The following PTPRK variants were observed in gnomAD, a reference collection of about 807,000 sequenced individuals.
PTPRK encodes the protein protein tyrosine phosphatase receptor type K, also known as receptor-type tyrosine-protein phosphatase kappa.
A neutral mutation model predicts 178.0 loss-of-function variants in PTPRK; 75 were observed. That is an observed-to-expected ratio of 0.42 (90% CI 0.35 to 0.51). The LOEUF (loss-of-function observed/expected upper bound fraction) is 0.51. PTPRK is among the 20% of genes least tolerant of loss of function. PTPRK has a pLI of 0.02. For synonymous variants in PTPRK, 637 were observed against 620.6 expected, an observed-to-expected ratio of 1.03 and a Z score of -0.39; for missense variants, 1,441 against 1,797.8, an observed-to-expected ratio of 0.80 and a Z score of 3.59.
chr6:128,106,576 C>A (rs1475153708), intron 7 of PTPRK, among the ~76,000 whole-genome samples: 1 of 151,544 alleles, frequency 6.6e-6, no homozygotes, highest in African/African-American at 2.4e-5. Flanking sequence ...GAAAACTACA[C>A]AAAAGAATAG....
chr6:128,022,972 C>T (rs1469940559), intron 13 of PTPRK, among the ~76,000 whole-genome samples: 1 of 152,160 alleles, frequency 6.6e-6, no homozygotes, highest in Non-Finnish European at 1.5e-5. Context: ...AACCAAAATG[C>T]TCAGATACGG....
intron 5 of PTPRK, among the ~76,000 whole-genome samples, chr6:128,238,673 A>G (rs1414359717): frequency 6.6e-6 from 1 of 152,228 alleles, no homozygotes; most frequent in Non-Finnish European, 1.5e-5. Flanking sequence ...AGAAATAAGA[A>G]AACTGACTTG....
At position 128,219,072 on chromosome 6, in the gene PTPRK, C is replaced by G; in HGVS notation, c.718G>C (p.Val240Leu). ...LQRRNGEDIP[V>L]AQTKNINHRR... ...TGATTGATGTTCTTAGTCTGGGCTA[C>G]TGGTATATCTTCTCCATTTCGTCTC... The change falls in exon 6 of 30, where the codon GTA (valine) becomes CTA (leucine). Residue 240 changes from valine (V) to leucine (L), a missense_variant. Val to Leu is a conservative substitution (Grantham distance 32, BLOSUM62 1). Transcript: ENST00000368226. The G allele has an allele frequency of 6.2e-7, 1 of 1,613,512 alleles. No homozygotes were observed. The highest frequency in any genetic ancestry group is 8.5e-7 in the Non-Finnish European group (1 of 1,179,708).
chr6:128,133,834 C>T (rs1359019708), intron 7 of PTPRK, among the ~76,000 whole-genome samples: 1 of 151,934 alleles, frequency 6.6e-6, no homozygotes, highest in East Asian at 1.9e-4. Flanking sequence ...TTACAGGCAT[C>T]AGCCACTACA....
intron 7 of PTPRK, among the ~76,000 whole-genome samples, chr6:128,105,232 C>T (rs989196085): frequency 1.1e-4 from 16 of 151,676 alleles, no homozygotes; most frequent in African/African-American, 3.6e-4. Flanking sequence ...CTCCCGGGTT[C>T]GCGCCATTCT....
intron 12 of PTPRK, among the ~76,000 whole-genome samples, chr6:128,065,519 G>C (rs1399852450): frequency 6.6e-6 from 1 of 152,126 alleles, no homozygotes; most frequent in Non-Finnish European, 1.5e-5. Context: ...AATTGAGTCA[G>C]CGTACATCCC....
At chr6:128,127,281 T>G (rs1232633262) in intron 7 of PTPRK, among the ~76,000 whole-genome samples, 2 of 152,232 alleles carry the variant, frequency 1.3e-5, no homozygotes, top group Non-Finnish European at 1.5e-5. Context: ...ATAGGTCTTT[T>G]GCCTTTCTAC....
At chr6:128,129,606 T>C (rs998584102) in intron 7 of PTPRK, among the ~76,000 whole-genome samples, 2 of 152,140 alleles carry the variant, frequency 1.3e-5, no homozygotes, top group South Asian at 4.1e-4. Flanking sequence ...CCATCACTTT[T>C]CTGAGATACA....
In PTPRK at chr6:128,259,163, C is replaced by G. The variant is rs1460435189; in HGVS notation, c.496-16561G>C. Among the ~76,000 whole-genome samples the G allele has an allele frequency of 2.6e-5, 4 of 152,034 alleles. No homozygotes were observed. The East Asian group carries it at 7.7e-4, about 29-fold the overall frequency. The stretch of plus-strand genomic sequence containing the variant: ...ATGCTTTTATATTATGAAAAACAAA[C>G]AGGAGATGACAACAACTGTGTGGCA... On this transcript the variant is annotated intron_variant, in intron 3 of 29. Transcript: ENST00000368226.
At chr6:128,380,198 T>A (rs189705791) in intron 2 of PTPRK, among the ~76,000 whole-genome samples, 10 of 152,140 alleles carry the variant, frequency 6.6e-5, no homozygotes, top group Admixed American at 5.9e-4. Flanking sequence ...AGAAAAAAAT[T>A]CACACAATAA....
intron 1 of PTPRK, among the ~76,000 whole-genome samples, chr6:128,460,278 TCA>T (rs1848886897): frequency 3.9e-5 from 6 of 152,024 alleles, no homozygotes; most frequent in Admixed American, 3.9e-4. Flanking sequence ...GCATGGGGAC[TCA>T]CACCTGTAAT....
intron 1 of PTPRK, among the ~76,000 whole-genome samples, chr6:128,450,119 C>CAAAA (rs546499574): frequency 0.025 from 2,229 of 90,580 alleles, 26 homozygotes; most frequent in Non-Finnish European, 0.04. Context: ...CGCATCTCAA[C>CAAAA]AAAAAAAAAA....
intron 7 of PTPRK, among the ~76,000 whole-genome samples, chr6:128,180,615 G>C (rs2114682637): frequency 6.6e-6 from 1 of 152,056 alleles, no homozygotes; most frequent in South Asian, 2.1e-4. Context: ...CAAACAAAAA[G>C]CTTTGGCAAC....
At chr6:128,246,691 T>C (rs73592670) in intron 3 of PTPRK, among the ~76,000 whole-genome samples, 119 of 152,334 alleles carry the variant, frequency 7.8e-4, no homozygotes, top group African/African-American at 2.3e-3. Context: ...TAATGCTTGA[T>C]GTCAAGCAGT....
At chr6:128,392,585 A>AT (rs765661284) in intron 2 of PTPRK, among the ~76,000 whole-genome samples, 12 of 152,230 alleles carry the variant, frequency 7.9e-5, no homozygotes, top group Non-Finnish European at 1.0e-4. Context: ...GGTCATAAGC[A>AT]TAAAAAAATT....
intron 7 of PTPRK, among the ~76,000 whole-genome samples, chr6:128,125,829 C>T (rs1019109801): frequency 2.0e-5 from 3 of 151,648 alleles, no homozygotes; most frequent in South Asian, 4.2e-4. Flanking sequence ...AGGCTGGTCT[C>T]GAACCCCTGA....
At chr6:128,409,994 C>T (rs1842117189) in intron 1 of PTPRK, among the ~76,000 whole-genome samples, 1 of 152,094 alleles carries the variant, frequency 6.6e-6, no homozygotes, top group Non-Finnish European at 1.5e-5. Flanking sequence ...TAAGAAAATA[C>T]CATCCAGGGT....
chr6:128,169,182 G>A (rs7746423), intron 7 of PTPRK, among the ~76,000 whole-genome samples: 1,653 of 152,062 alleles, frequency 0.011, 31 homozygotes, highest in African/African-American at 0.036. Context: ...TAAACTGAAA[G>A]CACTGCAAAA....
intron 13 of PTPRK, chr6:128,062,183 G>A (rs1780951841): frequency 1.3e-5 from 2 of 158,128 alleles, no homozygotes; most frequent in African/African-American, 4.8e-5. Context: ...AACAAATGTG[G>A]TAGTTTTTCT....
Sources: allele counts gnomAD v4.1 joint callset (sites outside exome capture counted in the v4.1 genomes callset), GRCh38; gene constraint gnomAD v4.1.1; transcripts MANE v1.5; gene names NCBI Gene and HGNC (gene_info 2026-07-23, HGNC 2026-07-21).